The following SMYD3 variants were observed in gnomAD, a reference collection of about 807,000 sequenced individuals.
SMYD3 encodes the protein SET and MYND domain containing 3, also known as histone-lysine N-methyltransferase SMYD3.
In SMYD3, 36 loss-of-function variants were observed where a neutral mutation model predicts 57.7. The ratio of observed to expected loss-of-function variants is 0.62; its 90% CI spans 0.48 to 0.82. SMYD3 has a LOEUF of 0.82. SMYD3 is among the 40% of genes least tolerant of loss of function. The pLI, the probability that SMYD3 is intolerant of heterozygous loss-of-function variation, is 0.00. For synonymous variants in SMYD3, 211 were observed against 195.0 expected, an observed-to-expected ratio of 1.08 and a Z score of -0.68; for missense variants, 515 against 538.8, an observed-to-expected ratio of 0.96 and a Z score of 0.44.
intron 5 of SMYD3, among the ~76,000 whole-genome samples, chr1:246,100,674 T>A (rs909824519): frequency 6.6e-6 from 1 of 152,158 alleles, no homozygotes; most frequent in African/African-American, 2.4e-5. Context: ...CACGTCCTCT[T>A]TCCTTTTGCA....
intron 5 of SMYD3, among the ~76,000 whole-genome samples, chr1:246,193,891 C>T (rs1057120543): frequency 6.6e-6 from 1 of 152,180 alleles, no homozygotes; most frequent in Non-Finnish European, 1.5e-5. Flanking sequence ...TTCAAGCTTT[C>T]CCTTTTATTC....
At chr1:246,475,174 C>T (rs1048291284) in intron 1 of SMYD3, among the ~76,000 whole-genome samples, 1 of 151,482 alleles carries the variant, frequency 6.6e-6, no homozygotes, top group Admixed American at 6.6e-5. Flanking sequence ...TCGACTAAAA[C>T]ACAAAAAATT....
chr1:246,084,702 T>A (rs1223255751), intron 5 of SMYD3, among the ~76,000 whole-genome samples: 1 of 152,216 alleles, frequency 6.6e-6, no homozygotes, highest in Non-Finnish European at 1.5e-5. Context: ...TATTTTGATA[T>A]CTTAAAGTTT....
intron 5 of SMYD3, among the ~76,000 whole-genome samples, chr1:246,031,737 G>GAA (rs66497634): frequency 0.38 from 51,856 of 136,464 alleles, 11,391 homozygotes; most frequent in East Asian, 0.95. Context: ...ACTTTGTCTC[G>GAA]AAAAAAAAAA....
Position 245,828,744 on chromosome 1 carries a change from C to T in SMYD3, c.1076+29752G>A, listed in dbSNP as rs148238451. On this transcript the variant is annotated intron_variant, in intron 10 of 11. Coordinates refer to ENST00000490107, the MANE Select transcript of SMYD3 (RefSeq NM_001167740.2). ...TTTTGAGACAGGGTCTCATGTCGCC[C>T]AGGCTGGAGTGCAGTGGCATGATCT... 7.7e-3 allele frequency among the ~76,000 whole-genome samples: 1,163 copies of T among 151,760 alleles called. 7 individuals are homozygous for T. Among genetic ancestry groups the T allele is most frequent in the South Asian group, 0.021 (100 of 4,804 alleles).
rs189150389 is a variant in SMYD3, at chr1:246,090,320, A to G, written c.532-160383T>C. 1.5e-4 allele frequency among the ~76,000 whole-genome samples: 23 copies of G among 152,274 alleles called. 1 individual carries two copies. In the East Asian group the frequency reaches 4.4e-3, roughly 29 times the overall value. ...CCAGAAAAATTAAGTCAAAATAATC[A>G]CATATAAGAGCTTCTCTCTTTTAGC... is the stretch of plus-strand genomic sequence containing the variant. On this transcript the variant is annotated intron_variant, in intron 5 of 11. Transcript: ENST00000490107.
chr1:246,041,713 G>A (rs1367956526), intron 5 of SMYD3, among the ~76,000 whole-genome samples: 2 of 152,002 alleles, frequency 1.3e-5, no homozygotes, highest in Non-Finnish European at 2.9e-5. Flanking sequence ...GAAAAATCAT[G>A]ACTTCTGGTT....
chr1:246,052,795 A>C (rs535056066), intron 5 of SMYD3: 1 of 152,376 alleles, frequency 6.6e-6, no homozygotes, highest in East Asian at 1.9e-4. Flanking sequence ...ATCTGAACAC[A>C]GTGAGAACAA....
chr1:246,227,192 T>C (rs2063342387), intron 5 of SMYD3, among the ~76,000 whole-genome samples: 1 of 152,208 alleles, frequency 6.6e-6, no homozygotes, highest in Non-Finnish European at 1.5e-5. Context: ...CAGTACATGG[T>C]TAGATGTACT....
intron 5 of SMYD3, chr1:246,326,691 G>A (rs1409466670): frequency 6.6e-6 from 2 of 300,848 alleles, no homozygotes; most frequent in Admixed American, 9.6e-5. Flanking sequence ...TTGATTCTGG[G>A]AGGCGGAGAT....
intron 5 of SMYD3, among the ~76,000 whole-genome samples, chr1:245,962,790 T>A (rs951313159): frequency 3.0e-4 from 38 of 125,962 alleles, no homozygotes; most frequent in Non-Finnish European, 6.7e-4. Flanking sequence ...GAATACATGT[T>A]AATAGCTTTC....
At position 246,147,175 on chromosome 1, in the gene SMYD3, C is replaced by T. The variant is rs143033037; in HGVS notation, c.531+180026G>A. On this transcript the variant is annotated intron_variant, in intron 5 of 11. Transcript: ENST00000490107. ...ATGGCACATTTTTCACTGTAAACAACGCTGCCCCGGCAAACCCTAGGGGAA... is the reference window on the plus strand; with the variant it reads ...ATGGCACATTTTTCACTGTAAACAATGCTGCCCCGGCAAACCCTAGGGGAA... Among the ~76,000 whole-genome samples the T allele has an allele frequency of 1.5e-3, 188 of 121,528 alleles. 2 individuals carry two copies. The East Asian group carries it at 0.031, about 20-fold the overall frequency. The allele number at this position is 121,528 out of a possible 152,430, so 79.7% of individuals were successfully genotyped here. A position where few individuals can be genotyped will look rare whatever the true frequency, so the allele number is the denominator to read the frequency against.
chr1:245,797,417 A>G (rs185519965), intron 10 of SMYD3, among the ~76,000 whole-genome samples: 2,560 of 140,866 alleles, frequency 0.018, 27 homozygotes, highest in Non-Finnish European at 0.027. Context: ...TCAACAAACT[A>G]TCACAAGGAC....
At chr1:245,864,798 A>G (rs189136715) in intron 8 of SMYD3, among the ~76,000 whole-genome samples, 1 of 152,374 alleles carries the variant, frequency 6.6e-6, no homozygotes, top group Admixed American at 6.5e-5. Context: ...ATATTTTAAA[A>G]AAACAGAAGA....
intron 7 of SMYD3, among the ~76,000 whole-genome samples, chr1:245,918,813 C>T (rs1279978912): frequency 3.9e-5 from 6 of 152,138 alleles, no homozygotes; most frequent in Non-Finnish European, 2.9e-5. Context: ...TGAATCCAGC[C>T]CAATGGCTCT....
At chr1:245,786,711 T>TA (rs772440660) in intron 10 of SMYD3, among the ~76,000 whole-genome samples, 335 of 136,210 alleles carry the variant, frequency 2.5e-3, no homozygotes, top group Admixed American at 2.7e-3. Flanking sequence ...ATTCATCCCT[T>TA]AAAAAAAAAA....
At chr1:246,425,721 A>T (rs1196597201) in intron 1 of SMYD3, among the ~76,000 whole-genome samples, 1 of 152,170 alleles carries the variant, frequency 6.6e-6, no homozygotes, top group Admixed American at 6.5e-5. Context: ...ATTCTGTCTT[A>T]CTTACTCAGC....
intron 10 of SMYD3, among the ~76,000 whole-genome samples, chr1:245,777,616 T>C (rs1330150587): frequency 6.6e-6 from 1 of 152,122 alleles, no homozygotes; most frequent in African/African-American, 2.4e-5. Flanking sequence ...CAGAGGAGAT[T>C]TGAGGACCTT....
At chr1:245,895,682 A>G (rs1007543441) in intron 8 of SMYD3, among the ~76,000 whole-genome samples, 5 of 152,154 alleles carry the variant, frequency 3.3e-5, no homozygotes, top group African/African-American at 7.2e-5. Context: ...TTTCACTCAA[A>G]CCTGCCTCTG....
Sources: allele counts gnomAD v4.1 joint callset (sites outside exome capture counted in the v4.1 genomes callset), GRCh38; gene constraint gnomAD v4.1.1; transcripts MANE v1.5; gene names NCBI Gene and HGNC (gene_info 2026-07-23, HGNC 2026-07-21).